The following DZIP3 variants were observed in gnomAD, a reference collection of about 807,000 sequenced individuals.
DZIP3 encodes DAZ interacting zinc finger protein 3.
Under a neutral mutation model 162.0 loss-of-function variants are expected in DZIP3, and 118 were observed. The observed-to-expected ratio is 0.73, with a 90% CI of 0.63 to 0.85. The LOEUF is 0.85. DZIP3 is among the 40% of genes least tolerant of loss of function. The pLI, the probability that DZIP3 is intolerant of heterozygous loss-of-function variation, is 0.00. For synonymous variants in DZIP3, 438 were observed against 458.6 expected (o/e 0.96, Z 0.57); for missense variants, 1,331 against 1,407.0 (o/e 0.95, Z 0.86).
chr3:108,691,003 GC>G, intron 32 of DZIP3, 100 bp downstream of exon 32: 1 of 928,812 alleles, frequency 1.1e-6, no homozygotes, highest in Non-Finnish European at 1.6e-6. Context: ...TGCTAAAGAA[GC>G]CAGCTAATTT....
chr3:108,658,360 G>A (rs1943247029), intron 19 of DZIP3, among the ~76,000 whole-genome samples: 1 of 152,122 alleles, frequency 6.6e-6, no homozygotes, highest in Admixed American at 6.5e-5. Flanking sequence ...TCAACTACAT[G>A]GAAACTGAAC....
At chr3:108,603,634 G>C (rs1438314963) in intron 1 of DZIP3, among the ~76,000 whole-genome samples, 1 of 152,060 alleles carries the variant, frequency 6.6e-6, no homozygotes, top group Admixed American at 6.6e-5. Context: ...TTAGAAGAAA[G>C]CTCTTTTAAA....
At chr3:108,676,390 C>CA (rs1944110868) in intron 25 of DZIP3, among the ~76,000 whole-genome samples, 1 of 152,028 alleles carries the variant, frequency 6.6e-6, no homozygotes, top group South Asian at 2.1e-4. Flanking sequence ...AAAAGAAAAT[C>CA]AAGTAGGCCT....
chr3:108,655,063 A>G (rs1347728628), intron 19 of DZIP3, among the ~76,000 whole-genome samples: 2 of 152,184 alleles, frequency 1.3e-5, no homozygotes, highest in Middle Eastern at 3.2e-3. Flanking sequence ...CTGAAATGAC[A>G]TATTCTTAGC....
intron 27 of DZIP3, among the ~76,000 whole-genome samples, chr3:108,685,530 C>T (rs1944466937): frequency 6.6e-6 from 1 of 151,946 alleles, no homozygotes; most frequent in Admixed American, 6.6e-5. Flanking sequence ...ATGAGCACTC[C>T]AAAAATACTC....
chr3:108,603,897 T>C (rs1047313552), intron 1 of DZIP3, among the ~76,000 whole-genome samples: 4 of 152,142 alleles, frequency 2.6e-5, no homozygotes, highest in African/African-American at 4.8e-5. Context: ...TGATCTAAGC[T>C]TACTGAAAAG....
chr3:108,681,935 T>TGGGGGGGGGGG (rs1944329252), intron 26 of DZIP3, among the ~76,000 whole-genome samples: 1 of 48,542 alleles, frequency 2.1e-5, no homozygotes, highest in Non-Finnish European at 4.1e-5. Flanking sequence ...TGTCGGGGGG[T>TGGGGGGGGGGG]GGGGGCTGGG....
chr3:108,631,296 G>A (rs1370400279), intron 8 of DZIP3, among the ~76,000 whole-genome samples: 1 of 151,766 alleles, frequency 6.6e-6, no homozygotes, highest in African/African-American at 2.4e-5. Flanking sequence ...GAGCTTGCAT[G>A]GGAGGTAAAT....
Position 108,693,594 on chromosome 3 carries a change from A to G in DZIP3, c.*241A>G, listed in dbSNP as rs931342373. On this transcript the variant is annotated 3_prime_UTR_variant, in exon 33 of 33. Coordinates refer to ENST00000361582, the MANE Select transcript of DZIP3 (RefSeq NM_014648.4). ...CTAGTTGTTAAACCTTTACCAGCAT[A>G]CCACTGGACCTTGTCTAAAATTTCT... 2.0e-5 allele frequency: 3 copies of G among 152,192 alleles called. No homozygotes were observed. Among genetic ancestry groups the G allele is most frequent in the African/African-American group, 7.2e-5 (3 of 41,450 alleles). 9.4% of individuals were successfully genotyped at this position (152,192 alleles called of 1,614,324 possible).
At chr3:108,591,990 A>AAC (rs1553698650) in intron 1 of DZIP3, among the ~76,000 whole-genome samples, 5 of 151,142 alleles carry the variant, frequency 3.3e-5, no homozygotes, top group Non-Finnish European at 7.4e-5. Context: ...AAAAAAAAAA[A>AAC]AAAAAAAGAG....
chr3:108,649,447 A>C (rs1189685621), intron 17 of DZIP3, among the ~76,000 whole-genome samples: 1 of 151,834 alleles, frequency 6.6e-6, no homozygotes, highest in Non-Finnish European at 1.5e-5. Context: ...TGATTTTGTC[A>C]GTTGCAAAAT....
At chr3:108,644,863 A>C (rs1942556563) in intron 14 of DZIP3, 82 bp downstream of exon 14, 5 of 1,339,974 alleles carry the variant, frequency 3.7e-6, no homozygotes, top group Non-Finnish European at 5.1e-6. Flanking sequence ...GCAAAGGGCA[A>C]GAGATTCAGT....
At position 108,640,949 on chromosome 3, in the gene DZIP3, GT is replaced by G. The variant is rs370448971; in HGVS notation, c.1065-1479del. On this transcript the variant is annotated intron_variant, in intron 12 of 32. Coordinates refer to ENST00000361582, the MANE Select transcript of DZIP3 (RefSeq NM_014648.4). ...ATATGACAATCTCTGCTTTTAAATT[GT>G]TTTTTTTTTATTCCATTTGTATTTT... is the stretch of plus-strand genomic sequence containing the variant. Among the ~76,000 whole-genome samples, 902 of 145,814 alleles carry G rather than the reference GT, an allele frequency of 6.2e-3. 6 individuals are homozygous for G. Among genetic ancestry groups the G allele is most frequent in the African/African-American group, 0.017 (684 of 39,856 alleles).
chr3:108,603,119 C>G (rs1405346185), intron 1 of DZIP3: 2 of 152,150 alleles, frequency 1.3e-5, no homozygotes, highest in Non-Finnish European at 2.9e-5. Context: ...TCTATGCAAA[C>G]AGCTACTGGC....
At chr3:108,678,479 C>T (rs748569535) in intron 26 of DZIP3, among the ~76,000 whole-genome samples, 1 of 151,954 alleles carries the variant, frequency 6.6e-6, no homozygotes, top group East Asian at 1.9e-4. Flanking sequence ...TGGACCTCAC[C>T]TCTGCATTTC....
At chr3:108,662,538 C>G (rs542680364) in intron 21 of DZIP3, among the ~76,000 whole-genome samples, 47 of 152,286 alleles carry the variant, frequency 3.1e-4, no homozygotes, top group Admixed American at 5.2e-4. Flanking sequence ...CAGGTCATGA[C>G]TCTAATTTGT....
At chr3:108,604,072 C>G (rs1456370883) in intron 1 of DZIP3, among the ~76,000 whole-genome samples, 2 of 152,032 alleles carry the variant, frequency 1.3e-5, no homozygotes, top group African/African-American at 4.8e-5. Context: ...TACAGTTGAT[C>G]TTGTGGAATA....
At chr3:108,592,589 A>C (rs1433814952) in intron 1 of DZIP3, among the ~76,000 whole-genome samples, 12 of 151,710 alleles carry the variant, frequency 7.9e-5, no homozygotes, top group Admixed American at 7.9e-4. Flanking sequence ...CCAGCTACTC[A>C]GGAGGCTGTC....
chr3:108,663,868 T>C (rs1476384359), intron 21 of DZIP3, among the ~76,000 whole-genome samples: 2 of 152,204 alleles, frequency 1.3e-5, no homozygotes, highest in Admixed American at 6.5e-5. Context: ...AGAAAACTTA[T>C]GGAAGGCACA....
Sources: allele counts gnomAD v4.1 joint callset (sites outside exome capture counted in the v4.1 genomes callset), GRCh38; gene constraint gnomAD v4.1.1; transcripts MANE v1.5; gene names NCBI Gene and HGNC (gene_info 2026-07-23, HGNC 2026-07-21).